The following PDCD11 variants were observed in gnomAD, a reference collection of about 807,000 sequenced individuals.
PDCD11 encodes the protein protein RRP5 homolog.
In PDCD11, 97 loss-of-function variants were observed where a neutral mutation model predicts 198.9. That is an observed-to-expected ratio of 0.49 (90% CI 0.41 to 0.58). The LOEUF (loss-of-function observed/expected upper bound fraction) is 0.58. PDCD11 is among the 20% of genes least tolerant of loss of function. The pLI, the probability that PDCD11 is intolerant of heterozygous loss-of-function variation, is 0.00. For synonymous variants in PDCD11, 893 were observed against 918.0 expected, an observed-to-expected ratio of 0.97 and a Z score of 0.49; for missense variants, 2,102 against 2,312.7, an observed-to-expected ratio of 0.91 and a Z score of 1.87.
chr10:103,439,637 C>A, intron 27 of PDCD11, 109 bp from the exon 28 acceptor site: 1 of 1,295,158 alleles, frequency 7.7e-7, no homozygotes, highest in Non-Finnish European at 1.1e-6. Context: ...TTATGTCTGT[C>A]ACAAATCCTT....
At chr10:103,434,607 T>G in intron 24 of PDCD11, 191 bp from the exon 25 acceptor site, 1 of 591,706 alleles carries the variant, frequency 1.7e-6, no homozygotes, top group Non-Finnish European at 3.0e-6. Context: ...GGGAAAGAGT[T>G]GTCCACCACT....
Position 103,405,974 on chromosome 10 carries a change from C to A in PDCD11, c.565-11C>A. The A allele has an allele frequency of 6.2e-7, 1 of 1,612,990 alleles. No individual in the cohort carries two copies. Among genetic ancestry groups the A allele is most frequent in the Non-Finnish European group, 8.5e-7 (1 of 1,179,298 alleles). ...GAATTGGAACTTCTGGGACTACTTT[C>A]TCTTCCCCAGCTACTTACAGGTACC... On this transcript the variant is annotated splice_polypyrimidine_tract_variant and intron_variant, in intron 5 of 35. Coordinates refer to ENST00000369797, the MANE Select transcript of PDCD11 (RefSeq NM_014976.2).
chr10:103,404,257 G>C (rs2030302869), intron 4 of PDCD11, among the ~76,000 whole-genome samples: 1 of 151,300 alleles, frequency 6.6e-6, no homozygotes, highest in African/African-American at 2.4e-5. Flanking sequence ...CCAGAGTGTT[G>C]GGATTATAGG....
chr10:103,433,991 A>G lies in PDCD11; in HGVS notation c.3518A>G (p.Asp1173Gly). The change falls in exon 23 of 36, where the codon GAC becomes GGC. Residue 1173 changes from aspartate to glycine, a missense_variant. By Grantham distance (94) the Asp-to-Gly change is moderately conservative. Transcript: ENST00000369797. Reference sequence around the variant, plus strand: ...TGGCTTGAGGTGGAGATTGCCCCAGACATCCGGGGGAGAATTCCCTTATTG... The same window carrying G: ...TGGCTTGAGGTGGAGATTGCCCCAGGCATCCGGGGGAGAATTCCCTTATTG... ...KKWLEVEIAPDIRGRIPLLLT... is the reference protein window; with the variant it reads ...KKWLEVEIAPGIRGRIPLLLT... 1 of 1,614,066 alleles carries G rather than the reference A, an allele frequency of 6.2e-7. No homozygotes were observed. The highest frequency in any genetic ancestry group is 8.5e-7 in the Non-Finnish European group (1 of 1,179,944).
Sources: allele counts gnomAD v4.1 joint callset (sites outside exome capture counted in the v4.1 genomes callset), GRCh38; gene constraint gnomAD v4.1.1; transcripts MANE v1.5; gene names NCBI Gene and HGNC (gene_info 2026-07-23, HGNC 2026-07-21).